CAMKMT: variants seen among roughly 807,000 people sequenced by gnomAD.
The protein encoded by CAMKMT is CaM KMT.
Under a neutral mutation model 48.0 loss-of-function variants are expected in CAMKMT, and 53 were observed. That is an observed-to-expected ratio of 1.10 (90% CI 0.89 to 1.39). The LOEUF is 1.39. CAMKMT is among the 40% of genes most tolerant of loss of function. The pLI, the probability that CAMKMT is intolerant of heterozygous loss-of-function variation, is 0.00. For missense variants in CAMKMT, 428 were observed against 402.7 expected, an observed-to-expected ratio of 1.06 and a Z score of -0.54; for synonymous variants, 165 against 152.3, an observed-to-expected ratio of 1.08 and a Z score of -0.61.
chr2:44,637,376 A>C (rs1170098735), intron 3 of CAMKMT, among the ~76,000 whole-genome samples: 1 of 152,210 alleles, frequency 6.6e-6, no homozygotes, highest in African/African-American at 2.4e-5. Context: ...TTAGTCTGTC[A>C]GAAGAATTTT....
chr2:44,398,523 C>G (rs542458320), intron 3 of CAMKMT, among the ~76,000 whole-genome samples: 21 of 150,274 alleles, frequency 1.4e-4, no homozygotes, highest in African/African-American at 4.1e-4. Context: ...AAACCAAATG[C>G]GGGCTTTGTT....
intron 3 of CAMKMT, chr2:44,456,508 G>T: frequency 2.0e-6 from 3 of 1,533,842 alleles, no homozygotes; most frequent in Non-Finnish European, 2.6e-6. Context: ...ACCTTGGAAT[G>T]AAAAGCTTTA....
chr2:44,445,733 G>T (rs1666958635), intron 3 of CAMKMT, among the ~76,000 whole-genome samples: 1 of 136,992 alleles, frequency 7.3e-6, no homozygotes, highest in Non-Finnish European at 1.5e-5. Flanking sequence ...CATGCAAACT[G>T]GTAAAAGGCC....
intron 3 of CAMKMT, among the ~76,000 whole-genome samples, chr2:44,465,025 C>T (rs893000474): frequency 6.6e-6 from 1 of 151,986 alleles, no homozygotes; most frequent in South Asian, 2.1e-4. Flanking sequence ...ATTGGATTAT[C>T]TTTTAAATTC....
intron 3 of CAMKMT, among the ~76,000 whole-genome samples, chr2:44,510,576 C>T (rs1483489861): frequency 6.6e-6 from 1 of 152,164 alleles, no homozygotes; most frequent in Non-Finnish European, 1.5e-5. Context: ...TACTTTGAGA[C>T]TATACAAATA....
intron 3 of CAMKMT, among the ~76,000 whole-genome samples, chr2:44,481,486 G>T (rs1021667900): frequency 1.3e-5 from 2 of 151,906 alleles, no homozygotes; most frequent in Non-Finnish European, 2.9e-5. Context: ...GATATGACAA[G>T]ATAAATTCCA....
At chr2:44,439,401 C>G (rs888245494) in intron 3 of CAMKMT, among the ~76,000 whole-genome samples, 2 of 152,112 alleles carry the variant, frequency 1.3e-5, no homozygotes, top group Non-Finnish European at 2.9e-5. Context: ...ATAATTCTCT[C>G]TTGACCCCAT....
intron 3 of CAMKMT, among the ~76,000 whole-genome samples, chr2:44,411,846 G>C (rs536593319): frequency 6.6e-6 from 1 of 151,358 alleles, no homozygotes; most frequent in African/African-American, 2.4e-5. Flanking sequence ...GGCATCCTGG[G>C]GGCTTCAATT....
intron 7 of CAMKMT, among the ~76,000 whole-genome samples, chr2:44,740,067 T>G (rs1679585499): frequency 2.0e-5 from 3 of 151,516 alleles, no homozygotes; most frequent in Non-Finnish European, 4.4e-5. Context: ...ATGCAGATGC[T>G]ATTAGGAGCA....
chr2:44,372,996 C>A, intron 2 of CAMKMT, 108 bp downstream of exon 2: 1 of 1,046,022 alleles, frequency 9.6e-7, no homozygotes, highest in Non-Finnish European at 1.4e-6. Context: ...TACGGGCAAT[C>A]TTTTTCAGAA....
At chr2:44,453,855 T>C (rs988095842) in intron 3 of CAMKMT, among the ~76,000 whole-genome samples, 36 of 152,026 alleles carry the variant, frequency 2.4e-4, no homozygotes, top group Admixed American at 1.6e-3. Context: ...ACTATAAGAT[T>C]AAGAGGTGTT....
intron 3 of CAMKMT, among the ~76,000 whole-genome samples, chr2:44,600,206 GA>G (rs1336370920): frequency 6.6e-6 from 1 of 151,986 alleles, no homozygotes; most frequent in Non-Finnish European, 1.5e-5. Flanking sequence ...TGATAAAAGA[GA>G]TTCTCCTCAG....
chr2:44,625,569 C>T (rs1183266444), intron 3 of CAMKMT, among the ~76,000 whole-genome samples: 1 of 151,334 alleles, frequency 6.6e-6, no homozygotes, highest in African/African-American at 2.4e-5. Flanking sequence ...ATTTTGTGTT[C>T]TAAAAAGTTT....
chr2:44,366,849 G>A (rs1678647696), intron 1 of CAMKMT, among the ~76,000 whole-genome samples: 1 of 152,014 alleles, frequency 6.6e-6, no homozygotes, highest in Admixed American at 6.6e-5. Flanking sequence ...AGTCTTCTGA[G>A]TAGCTGGGAC....
chr2:44,750,286 A>G (rs1028743681), intron 8 of CAMKMT, among the ~76,000 whole-genome samples: 10 of 151,896 alleles, frequency 6.6e-5, no homozygotes, highest in African/African-American at 2.4e-4. Context: ...CCTCCCAAGT[A>G]GCTGGGATTA....
At chr2:44,637,223 C>A (rs999439826) in intron 3 of CAMKMT, among the ~76,000 whole-genome samples, 2 of 152,154 alleles carry the variant, frequency 1.3e-5, no homozygotes, top group African/African-American at 4.8e-5. Context: ...AACATGTTTG[C>A]TTAAGTCATT....
intron 3 of CAMKMT, among the ~76,000 whole-genome samples, chr2:44,580,979 T>C (rs1669525531): frequency 6.6e-6 from 1 of 152,090 alleles, no homozygotes; most frequent in Non-Finnish European, 1.5e-5. Context: ...GTACCTTAGA[T>C]GCTGGTGGGA....
rs553966624 is a variant in CAMKMT at position 44,547,223 on chromosome 2, G to C, written c.376+156918G>C. Among the ~76,000 whole-genome samples the C allele has an allele frequency of 2.0e-5, 3 of 152,184 alleles. No homozygotes were observed. The South Asian group carries it at 6.2e-4, about 32-fold the overall frequency. On this transcript the variant is annotated intron_variant, in intron 3 of 10. Transcript: ENST00000378494. ...TTGAACAATATCAGTAGTCTTATTG[G>C]GTCCTCTAGCAGTCACTTGGAAATA... is the stretch of plus-strand genomic sequence containing the variant.
chr2:44,695,065 T>C (rs1012082866), intron 3 of CAMKMT, among the ~76,000 whole-genome samples: 5 of 152,258 alleles, frequency 3.3e-5, no homozygotes, highest in African/African-American at 9.6e-5. Flanking sequence ...ATTAACACTT[T>C]AGCTACTATA....
Sources: allele counts gnomAD v4.1 joint callset (sites outside exome capture counted in the v4.1 genomes callset), GRCh38; gene constraint gnomAD v4.1.1; transcripts MANE v1.5; gene names NCBI Gene and HGNC (gene_info 2026-07-23, HGNC 2026-07-21).